The following DENND5B variants were observed in gnomAD, a reference collection of about 807,000 sequenced individuals.
DENND5B encodes the protein DENN domain containing 5B.
A neutral mutation model predicts 140.6 loss-of-function variants in DENND5B; 34 were observed. That is an observed-to-expected ratio of 0.24 (90% CI 0.18 to 0.32). DENND5B has a LOEUF of 0.32. Ranked by LOEUF, DENND5B falls within the 10% of genes least tolerant of loss-of-function variation. DENND5B has a pLI of 1.00. For missense variants in DENND5B, 1,142 were observed against 1,560.2 expected, an observed-to-expected ratio of 0.73 and a Z score of 4.52; for synonymous variants, 551 against 562.1, an observed-to-expected ratio of 0.98 and a Z score of 0.28.
At chr12:31,492,296 T>C (rs992900973) in intron 2 of DENND5B, among the ~76,000 whole-genome samples, 4 of 152,348 alleles carry the variant, frequency 2.6e-5, no homozygotes, top group Admixed American at 6.5e-5. Flanking sequence ...GTTTTGCAGA[T>C]AGAGGCAAAA....
At chr12:31,466,120 C>G (rs772599279) in intron 3 of DENND5B, among the ~76,000 whole-genome samples, 5 of 152,060 alleles carry the variant, frequency 3.3e-5, no homozygotes, top group African/African-American at 7.2e-5. Flanking sequence ...TTTGGGAGGC[C>G]AAGGCGGGCG....
At chr12:31,412,884 T>A (rs150772513) in intron 13 of DENND5B, among the ~76,000 whole-genome samples, 2 of 152,320 alleles carry the variant, frequency 1.3e-5, no homozygotes, top group African/African-American at 4.8e-5. Flanking sequence ...TGTCAGCTTG[T>A]GTGAACTAGC....
In DENND5B at chr12:31,383,751, C is replaced by T. The variant is rs1187997839; in HGVS notation, c.*3852G>A. 1 of 152,142 alleles carries T rather than the reference C, an allele frequency of 6.6e-6. No homozygotes were observed. The highest frequency in any genetic ancestry group is 6.6e-5 in the Admixed American group (1 of 15,264). 9.4% of individuals were successfully genotyped at this position (152,142 alleles called of 1,614,324 possible). On this transcript the variant is annotated 3_prime_UTR_variant, in exon 21 of 21. Coordinates refer to ENST00000389082, the MANE Select transcript of DENND5B (RefSeq NM_144973.4). Reference sequence around the variant, plus strand: ...TAAGGCATATGACTCCCGACCAGGGCACAGATCTCACACATGCTTCCAACA... The same window carrying T: ...TAAGGCATATGACTCCCGACCAGGGTACAGATCTCACACATGCTTCCAACA...
chr12:31,478,862 G>A (rs1301365406), intron 3 of DENND5B, among the ~76,000 whole-genome samples: 7 of 152,024 alleles, frequency 4.6e-5, no homozygotes, highest in African/African-American at 1.7e-4. Flanking sequence ...TCCTAGTCTA[G>A]GCTCAGCATT....
At chr12:31,484,532 G>T (rs576269804) in intron 2 of DENND5B, among the ~76,000 whole-genome samples, 1 of 152,128 alleles carries the variant, frequency 6.6e-6, no homozygotes, top group African/African-American at 2.4e-5. Flanking sequence ...AGCCAGGTGC[G>T]GTGGCTCATG....
chr12:31,510,703 G>A (rs1256521067), intron 1 of DENND5B, among the ~76,000 whole-genome samples: 1 of 151,996 alleles, frequency 6.6e-6, no homozygotes, highest in South Asian at 2.1e-4. Flanking sequence ...GAGATTTTCT[G>A]CTTTTAAGGA....
rs115454005 is a variant in DENND5B at position 31,472,373 on chromosome 12, C to T, written c.904+7216G>A. Among the ~76,000 whole-genome samples the T allele has an allele frequency of 9.6e-3, 1,464 of 152,278 alleles. 27 individuals are homozygous for T. The highest frequency in any genetic ancestry group is 0.033 in the African/African-American group (1,386 of 41,540). On this transcript the variant is annotated intron_variant, in intron 3 of 20. Transcript: ENST00000389082. ...GTGGCACGACCTCGGCTCATTGCAA[C>T]TTCCACCTCTTGGGTTCAAGCGATT...
At chr12:31,541,096 A>G in intron 1 of DENND5B, 2 of 432,238 alleles carry the variant, frequency 4.6e-6, no homozygotes, top group South Asian at 3.4e-5. Flanking sequence ...ACCTCAAACT[A>G]TGAAACTACT....
chr12:31,471,467 T>A (rs182153884), intron 3 of DENND5B, among the ~76,000 whole-genome samples: 2,968 of 147,128 alleles, frequency 0.02, 58 homozygotes, highest in South Asian at 0.054. Flanking sequence ...CTGTATTTTT[T>A]TTTTTTTTTT....
At position 31,466,521 on chromosome 12, in the gene DENND5B, C is replaced by T. The variant is rs576276147; in HGVS notation, c.905-6140G>A. 1.1e-4 allele frequency among the ~76,000 whole-genome samples: 17 copies of T among 152,084 alleles called. No individual in the cohort carries two copies. The East Asian group carries it at 2.3e-3, about 21-fold the overall frequency. Reference sequence around the variant, plus strand: ...CAGCCTGACCAACATGGTGAAACCCCGTCTCTACTAAAAATACAAAAATTA... The same window carrying T: ...CAGCCTGACCAACATGGTGAAACCCTGTCTCTACTAAAAATACAAAAATTA... On this transcript the variant is annotated intron_variant, in intron 3 of 20. Coordinates refer to ENST00000389082, the MANE Select transcript of DENND5B (RefSeq NM_144973.4).
chr12:31,385,184 T>C lies in DENND5B; in HGVS notation c.*2419A>G, dbSNP rs541081556. The stretch of plus-strand genomic sequence containing the variant: ...AATATTCATCCTTATTTCCTACTTG[T>C]ATAGGTGGATGAATAAAGATCCAAT... On this transcript the variant is annotated 3_prime_UTR_variant, in exon 21 of 21. Coordinates refer to ENST00000389082, the MANE Select transcript of DENND5B (RefSeq NM_144973.4). 6.6e-5 allele frequency: 10 copies of C among 152,336 alleles called. No homozygotes were observed. Among genetic ancestry groups the C allele is most frequent in the South Asian group, 2.1e-4 (1 of 4,832 alleles). The allele number at this position is 152,336 out of a possible 1,614,324, so 9.4% of individuals were successfully genotyped here. A position where few individuals can be genotyped will look rare whatever the true frequency, so the allele number is the denominator to read the frequency against.
chr12:31,537,178 G>C (rs1221787313), intron 1 of DENND5B, among the ~76,000 whole-genome samples: 1 of 152,016 alleles, frequency 6.6e-6, no homozygotes, highest in East Asian at 1.9e-4. Context: ...GAGAAACACA[G>C]AATAACACTG....
At chr12:31,541,901 G>A (rs1046320202) in intron 1 of DENND5B, among the ~76,000 whole-genome samples, 3 of 152,170 alleles carry the variant, frequency 2.0e-5, no homozygotes, top group Admixed American at 6.6e-5. Flanking sequence ...CTGCAACACC[G>A]TGGATTGAAC....
chr12:31,457,703 C>A (rs887502212), intron 4 of DENND5B, among the ~76,000 whole-genome samples: 3 of 151,774 alleles, frequency 2.0e-5, no homozygotes, highest in African/African-American at 7.3e-5. Context: ...CACAGAAGCA[C>A]TGCTATTTTC....
chr12:31,487,627 G>A (rs956955146), intron 2 of DENND5B, among the ~76,000 whole-genome samples: 9 of 152,082 alleles, frequency 5.9e-5, no homozygotes, highest in African/African-American at 9.7e-5. Flanking sequence ...GCATGAATCC[G>A]GGAGGCAGAG....
chr12:31,517,568 C>CAGCT (rs1391073098), intron 1 of DENND5B, among the ~76,000 whole-genome samples: 3 of 152,214 alleles, frequency 2.0e-5, no homozygotes, highest in Non-Finnish European at 1.5e-5. Flanking sequence ...GTTAAATTAA[C>CAGCT]AGCTGTAGCC....
intron 1 of DENND5B, among the ~76,000 whole-genome samples, chr12:31,503,590 G>A (rs1030735325): frequency 2.0e-5 from 3 of 152,144 alleles, no homozygotes; most frequent in Non-Finnish European, 1.5e-5. Flanking sequence ...TCCACAAAAT[G>A]AGATGCAAAG....
At chr12:31,410,843 G>A (rs1942410692) in intron 13 of DENND5B, among the ~76,000 whole-genome samples, 2 of 152,098 alleles carry the variant, frequency 1.3e-5, no homozygotes, top group Non-Finnish European at 2.9e-5. Flanking sequence ...TTCTGATACG[G>A]TGAAATGTTT....
intron 4 of DENND5B, among the ~76,000 whole-genome samples, chr12:31,456,364 A>G (rs1335101030): frequency 6.6e-6 from 1 of 151,934 alleles, no homozygotes; most frequent in Non-Finnish European, 1.5e-5. Flanking sequence ...CTCAAAAGTA[A>G]GAAAACAAAG....
Sources: gnomAD v4.1 joint callset for allele counts (sites outside exome capture counted in the v4.1 genomes callset) on GRCh38, gnomAD v4.1.1 for gene constraint, MANE v1.5 for transcripts, NCBI Gene and HGNC (gene_info 2026-07-23, HGNC 2026-07-21) for gene names.